KIF5A: variants seen among roughly 807,000 people sequenced by gnomAD.
KIF5A encodes kinesin heavy chain isoform 5A.
KIF5A carries 35 observed loss-of-function variants against 141.3 expected under a neutral mutation model. The ratio of observed to expected loss-of-function variants is 0.25; its 90% CI spans 0.19 to 0.33. The LOEUF (loss-of-function observed/expected upper bound fraction) is 0.33. KIF5A is among the 10% of genes least tolerant of loss of function. The pLI is 1.00. For missense variants in KIF5A, 861 were observed against 1,314.3 expected (o/e 0.66, Z 5.33); for synonymous variants, 448 against 500.2 (o/e 0.90, Z 1.39).
In KIF5A at chr12:57,573,012, G is replaced by A. The variant is rs113973631; in HGVS notation, c.1716+286G>A. Among the ~76,000 whole-genome samples the A allele has an allele frequency of 0.02, 2,980 of 152,134 alleles. 37 individuals are homozygous for A. The highest frequency in any genetic ancestry group is 0.041 in the Middle Eastern group (12 of 294). ...CGAGACCTGACCTCGCCAACATGGC[G>A]AAACCCTGTCTCTACTAAAAATACA... On this transcript the variant is annotated intron_variant, in intron 15 of 28. Transcript: ENST00000455537.
intron 19 of KIF5A, 80 bp downstream of exon 19, chr12:57,576,458 C>A: frequency 9.1e-7 from 1 of 1,095,066 alleles, no homozygotes; most frequent in Non-Finnish European, 1.4e-6. Flanking sequence ...CCCTCTGGGT[C>A]TGATTCTTTA....
chr12:57,567,653 C>G (rs752831243), intron 8 of KIF5A, 35 bp downstream of exon 8: 5 of 1,559,940 alleles, frequency 3.2e-6, no homozygotes, highest in Admixed American at 4.1e-5. Context: ...TGGGTGGAAG[C>G]CTTGGCTCTT....
chr12:57,583,142 A>C lies in KIF5A; in HGVS notation c.3062A>C (p.Lys1021Thr), dbSNP rs1186511989. The change falls in exon 28 of 29, where the codon AAG becomes ACG. Residue 1021 changes from lysine (K) to threonine (T), a missense_variant. Lys to Thr is a moderately conservative substitution (Grantham distance 78). Transcript: ENST00000455537. ...PCGYEAEDQA[K>T]LFPLHQETAA... ...GGCTATGAGGCTGAGGACCAGGCCA[A>C]GCTTTTCCCTCTCCACCAAGAGACA... 7 of 1,613,988 alleles carry C rather than the reference A, an allele frequency of 4.3e-6. 2 individuals are homozygous for C. The South Asian group carries it at 7.7e-5, about 18-fold the overall frequency.
At position 57,581,575 on chromosome 12, in the gene KIF5A, G is replaced by A; in HGVS notation, c.2909+7G>A. On this transcript the variant is annotated splice_region_variant and intron_variant, in intron 25 of 28. Coordinates refer to ENST00000455537, the MANE Select transcript of KIF5A (RefSeq NM_004984.4). ...GCTCCACCTCAGATATGTAGTGAGT[G>A]ACCACACGTGTGGGTTGGAGTCCCA... 1 of 1,613,824 alleles carries A rather than the reference G, an allele frequency of 6.2e-7. No individual in the cohort carries two copies. The highest frequency in any genetic ancestry group is 8.5e-7 in the Non-Finnish European group (1 of 1,180,018).
At chr12:57,583,616 T>A (rs147697532) in intron 28 of KIF5A, among the ~76,000 whole-genome samples, 113 of 152,284 alleles carry the variant, frequency 7.4e-4, no homozygotes, top group African/African-American at 2.6e-3. Flanking sequence ...TAATTTTGGA[T>A]GGATAGGTGT....
rs922575635 is a variant in KIF5A at position 57,550,998 on chromosome 12, G to C, written c.129+598G>C. On this transcript the variant is annotated intron_variant, in intron 1 of 28. Transcript: ENST00000455537. The surrounding 1 kb of genome is among the most constrained non-coding windows in gnomAD (Gnocchi z 4.6). The stretch of plus-strand genomic sequence containing the variant: ...ATCATTGATGCCACACCCAATCTTG[G>C]GGGGAGCCTCTGGAATCCTAAGGTC... Among the ~76,000 whole-genome samples, 4 of 152,084 alleles carry C rather than the reference G, an allele frequency of 2.6e-5. No homozygotes were observed. The highest frequency in any genetic ancestry group is 7.2e-5 in the African/African-American group (3 of 41,404).
At chr12:57,578,850 G>A (rs1882508306) in intron 23 of KIF5A, among the ~76,000 whole-genome samples, 1 of 152,114 alleles carries the variant, frequency 6.6e-6, no homozygotes, top group South Asian at 2.1e-4. Context: ...GATCACTTGA[G>A]CACAGGAGTT....
Position 57,576,100 on chromosome 12 carries a change from A to C in KIF5A, c.2037A>C (p.Glu679Asp), listed in dbSNP as rs1261934561. 5.0e-6 allele frequency: 8 copies of C among 1,614,034 alleles called. No individual in the cohort carries two copies. The highest frequency in any genetic ancestry group is 6.8e-6 in the Non-Finnish European group (8 of 1,180,014). ...AKLQAQETVH[E>D]VALKDKEPDT... ...TCTTTCCCTTAGAAACTGTGCATGA[A>C]GTGGCCCTGAAGGACAAGGAGCCTG... The change falls in exon 18 of 29, where the codon GAA (glutamate) becomes GAC (aspartate). Residue 679 changes from glutamate (E) to aspartate (D), a missense_variant. By Grantham distance (45) the Glu-to-Asp change is conservative. Coordinates refer to ENST00000455537, the MANE Select transcript of KIF5A (RefSeq NM_004984.4).
chr12:57,574,984 C>T, intron 15 of KIF5A, 100 bp from the exon 16 acceptor site: 3 of 1,035,442 alleles, frequency 2.9e-6, no homozygotes, highest in Non-Finnish European at 4.5e-6. Context: ...CATTTGAGTC[C>T]CTGCGTATGT....
intron 13 of KIF5A, 60 bp downstream of exon 13, chr12:57,571,449 T>C: frequency 2.6e-6 from 4 of 1,564,092 alleles, no homozygotes; most frequent in Non-Finnish European, 3.5e-6. Context: ...CTGGAAGGCA[T>C]GGAATAGACC....
rs201098122 is a variant in KIF5A at position 57,581,151 on chromosome 12, C to T, written c.2734C>T (p.Arg912Trp). ...CGTTCGCTACAAGAGCTCGGGCAAA[C>T]GGGGCCATTCTGCCCAGATTGGTGA... ...EAVRYKSSGK[R>W]GHSAQIAKPV... The change falls in exon 24 of 29, where the codon CGG (arginine) becomes TGG (tryptophan). Residue 912 changes from arginine (R) to tryptophan (W), a missense_variant. Physicochemically the swap from Arg to Trp is moderately radical, Grantham distance 101. This residue lies in a region of KIF5A where 482 missense variants were observed against 661.3 expected (regional missense o/e 0.73). Transcript: ENST00000455537. 5.8e-5 allele frequency: 94 copies of T among 1,613,704 alleles called. No individual in the cohort carries two copies. The highest frequency in any genetic ancestry group is 7.4e-5 in the Non-Finnish European group (87 of 1,179,930).
chr12:57,583,107 C>T lies in KIF5A; in HGVS notation c.3027C>T (p.Asp1009=). Residue 1009 remains aspartate, a synonymous_variant, in exon 28 of 29, where the codon GAC becomes GAT. Transcript: ENST00000455537. ...NATDINDNRS[D]LPCGYEAEDQ... ...GGTGGGTCTCTTCCTCCAGGAGTGACCTGCCGTGTGGCTATGAGGCTGAGG... is the reference window on the plus strand; with the variant it reads ...GGTGGGTCTCTTCCTCCAGGAGTGATCTGCCGTGTGGCTATGAGGCTGAGG... 1 of 1,613,812 alleles carries T rather than the reference C, an allele frequency of 6.2e-7. No individual in the cohort carries two copies. Among genetic ancestry groups the T allele is most frequent in the Non-Finnish European group, 8.5e-7 (1 of 1,179,818 alleles).
rs371548640 is a variant in KIF5A, at chr12:57,581,913, G to A, written c.2953G>A (p.Gly985Ser). The A allele has an allele frequency of 7.5e-5, 121 of 1,613,920 alleles. No individual in the cohort carries two copies. The highest frequency in any genetic ancestry group is 9.3e-5 in the Non-Finnish European group (110 of 1,180,012). ...CTSSGATSSG[G>S]PLASYQKANM... Reference sequence around the variant, plus strand: ...CAGCAGTGGAGCCACATCTTCTGGCGGCCCCTTGGCTTCCTACCAGAAGGC... The same window carrying A: ...CAGCAGTGGAGCCACATCTTCTGGCAGCCCCTTGGCTTCCTACCAGAAGGC... The change falls in exon 26 of 29, where the codon GGC becomes AGC. Residue 985 changes from glycine (G) to serine (S), a missense_variant. Gly to Ser is a moderately conservative substitution (Grantham distance 56). Coordinates refer to ENST00000455537, the MANE Select transcript of KIF5A (RefSeq NM_004984.4).
At chr12:57,555,688 A>G (rs1594907272) in intron 1 of KIF5A, among the ~76,000 whole-genome samples, 1 of 152,038 alleles carries the variant, frequency 6.6e-6, no homozygotes, top group South Asian at 2.1e-4. Context: ...AGGCGGGTGG[A>G]TAACAAGGTC....
intron 9 of KIF5A, 50 bp downstream of exon 9, chr12:57,569,117 C>T (rs924314676): frequency 5.8e-6 from 9 of 1,555,678 alleles, no homozygotes; most frequent in African/African-American, 5.4e-5. Context: ...CCCATCTCCT[C>T]CCCCACCTGC....
chr12:57,569,772 A>G, intron 11 of KIF5A, 89 bp downstream of exon 11: 1 of 1,566,042 alleles, frequency 6.4e-7, no homozygotes, highest in Non-Finnish European at 8.7e-7. Flanking sequence ...GTTTCTGGCC[A>G]GGCCAATCTC....
At chr12:57,564,069 T>C (rs777525504) in intron 3 of KIF5A, 39 bp from the exon 4 acceptor site, 11 of 1,445,424 alleles carry the variant, frequency 7.6e-6, no homozygotes, top group Admixed American at 1.7e-5. Flanking sequence ...TCATTCTCCC[T>C]GAGCCCCAGC....
At chr12:57,580,391 G>A (rs1882560423) in intron 23 of KIF5A, among the ~76,000 whole-genome samples, 1 of 152,140 alleles carries the variant, frequency 6.6e-6, no homozygotes, top group Admixed American at 6.5e-5. Flanking sequence ...TCCTTCCTAC[G>A]GGGCGGGCTC....
chr12:57,578,077 G>A lies in KIF5A; in HGVS notation c.2430G>A (p.Lys810=), dbSNP rs775948702. ...LFVQDVTTRV[K]KSAEMEPEDS... ...TTCAAGACGTCACGACTCGAGTCAA[G>A]AAAGTGAGTGCTGTCCTTGGGGTTT... The change falls in exon 22 of 29, where the codon AAG becomes AAA. Residue 810 remains lysine, a synonymous_variant. Transcript: ENST00000455537. 1 of 1,613,816 alleles carries A rather than the reference G, an allele frequency of 6.2e-7. No homozygotes were observed. Among genetic ancestry groups the A allele is most frequent in the Admixed American group, 1.7e-5 (1 of 60,022 alleles).
Sources: gnomAD v4.1 joint callset for allele counts (sites outside exome capture counted in the v4.1 genomes callset) on GRCh38, gnomAD v4.1.1 for gene constraint, gnomAD v4.1.1 regional missense constraint, Gnocchi (gnomAD v3.1) non-coding constraint, MANE v1.5 for transcripts, NCBI Gene and HGNC (gene_info 2026-07-23, HGNC 2026-07-21) for gene names.